FAM217A: variants seen among roughly 807,000 people sequenced by gnomAD.
FAM217A encodes family with sequence similarity 217 member A.
Under a neutral mutation model 18.5 loss-of-function variants are expected in FAM217A, and 13 were observed. The ratio of observed to expected loss-of-function variants is 0.70; its 90% CI spans 0.46 to 1.12. The LOEUF (loss-of-function observed/expected upper bound fraction) is 1.12, where lower values mean the gene tolerates loss of function less well. Among genes scored for constraint, FAM217A ranks in the 50% most tolerant of loss-of-function variants. The probability of loss-of-function intolerance (pLI) is 0.00; values close to 1 mark genes in which losing one functional copy is unlikely to be tolerated. For missense variants in FAM217A, 560 were observed against 575.4 expected (o/e 0.97, Z 0.27); for synonymous variants, 161 against 202.8 (o/e 0.79, Z 1.75).
chr6:4,076,962 G>A (rs1443664024), intron 2 of FAM217A, among the ~76,000 whole-genome samples: 3 of 152,182 alleles, frequency 2.0e-5, no homozygotes, highest in African/African-American at 7.2e-5. Context: ...AACTAAACAT[G>A]AAGTCTGACA....
In FAM217A at chr6:4,069,274, C is replaced by T; in HGVS notation, c.949G>A (p.Val317Ile). The change falls in exon 7 of 7, where the codon GTT (valine) becomes ATT (isoleucine). Residue 317 changes from valine to isoleucine, a missense_variant. Coordinates refer to ENST00000274673, the MANE Select transcript of FAM217A (RefSeq NM_173563.3). ...TTGGAGGAAGAGGGTCGTTCAGTAA[C>T]TGCTGGAGTACAGAAAGTCGTTTGT... ...RLQTTFCTPA[V>I]TERPSSSKAT... 1 of 1,614,054 alleles carries T rather than the reference C, an allele frequency of 6.2e-7. No homozygotes were observed. The highest frequency in any genetic ancestry group is 8.5e-7 in the Non-Finnish European group (1 of 1,179,998).
Position 4,069,038 on chromosome 6 carries a change from CAATT to C in FAM217A, c.1181_1184del (p.Gln394ArgfsTer14), listed in dbSNP as rs776823363. ...TGGGATTCTTATCATAAGTTTCAATCAATTGTTTTGGGGTGGAAGAACTTTTTAG... is the reference window on the plus strand; with the variant it reads ...TGGGATTCTTATCATAAGTTTCAATCGTTTTGGGGTGGAAGAACTTTTTAG... On this transcript the variant is annotated frameshift_variant, in exon 7 of 7. Coordinates refer to ENST00000274673, the MANE Select transcript of FAM217A (RefSeq NM_173563.3). LOFTEE classifies it low-confidence loss of function (END_TRUNC). The C allele has an allele frequency of 5.0e-6, 8 of 1,613,902 alleles. No homozygotes were observed. Among genetic ancestry groups the C allele is most frequent in the African/African-American group, 1.3e-5 (1 of 75,024 alleles).
chr6:4,081,518 G>C (rs1770299092), upstream of FAM217A, among the ~76,000 whole-genome samples: 1 of 152,076 alleles, frequency 6.6e-6, no homozygotes, highest in African/African-American at 2.4e-5. Flanking sequence ...TGCCATGTTG[G>C]CCAGGCTGGT....
chr6:4,076,495 G>T (rs1769805029), intron 2 of FAM217A, among the ~76,000 whole-genome samples: 1 of 152,122 alleles, frequency 6.6e-6, no homozygotes, highest in Non-Finnish European at 1.5e-5. Context: ...GCTTTTTTCA[G>T]CTATATAATC....
chr6:4,069,847 G>A lies in FAM217A; in HGVS notation c.376C>T (p.His126Tyr), dbSNP rs151055241. ...TCAACTGAAGCAATTGTTAATGGGT[G>A]GTTCAGAGTGAAGACCCTTATAGGA... ...NHPIRVFTLN[H>Y]PLTIASVDKQ... Residue 126 changes from histidine (H) to tyrosine (Y), a missense_variant, in exon 7 of 7, where the codon CAC becomes TAC. Physicochemically the swap from His to Tyr is moderately conservative, Grantham distance 83 (BLOSUM62 2). Coordinates refer to ENST00000274673, the MANE Select transcript of FAM217A (RefSeq NM_173563.3). 9.0e-4 allele frequency: 1,454 copies of A among 1,613,608 alleles called. 2 individuals carry two copies. Among genetic ancestry groups the A allele is most frequent in the Non-Finnish European group, 1.2e-3 (1,396 of 1,179,548 alleles).
intron 1 of FAM217A, 37 bp downstream of exon 1, chr6:4,078,815 G>A (rs1770048207): frequency 2.3e-6 from 1 of 443,714 alleles, no homozygotes. Flanking sequence ...GCAGGAGGGG[G>A]CTGCGGGATT....
upstream of FAM217A, chr6:4,079,623 A>G: frequency 8.2e-7 from 1 of 1,218,672 alleles, no homozygotes. Flanking sequence ...GGCCCGGCCC[A>G]CCCGCCTCCA....
chr6:4,082,712 C>T (rs1184755830), upstream of FAM217A, among the ~76,000 whole-genome samples: 2 of 152,204 alleles, frequency 1.3e-5, no homozygotes, highest in Non-Finnish European at 2.9e-5. Context: ...TTTGTCCTAT[C>T]GTATTTCTAC....
upstream of FAM217A, chr6:4,079,609 C>T (rs1770127121): frequency 3.1e-6 from 4 of 1,288,222 alleles, no homozygotes; most frequent in Non-Finnish European, 4.0e-6. Flanking sequence ...CCTCTGGGAC[C>T]CGGGGCCCGG....
At chr6:4,076,771 G>A (rs560624733) in intron 2 of FAM217A, among the ~76,000 whole-genome samples, 17 of 152,324 alleles carry the variant, frequency 1.1e-4, no homozygotes, top group South Asian at 4.1e-4. Flanking sequence ...GGGAGGCTGA[G>A]GCAGGAGAAT....
upstream of FAM217A, chr6:4,087,264 C>T: frequency 8.3e-7 from 1 of 1,206,096 alleles, no homozygotes; most frequent in Non-Finnish European, 1.0e-6. Context: ...TGTCCAGACG[C>T]AAGACTGGAG....
chr6:4,070,543 A>C (rs1769333535), intron 6 of FAM217A, among the ~76,000 whole-genome samples: 1 of 152,206 alleles, frequency 6.6e-6, no homozygotes, highest in African/African-American at 2.4e-5. Context: ...ACTACAAAAA[A>C]GCCATAGAAT....
intron 2 of FAM217A, among the ~76,000 whole-genome samples, chr6:4,076,558 CTG>C (rs1769807965): frequency 6.6e-6 from 1 of 152,122 alleles, no homozygotes; most frequent in East Asian, 1.9e-4. Flanking sequence ...GCTGATGAAA[CTG>C]TGTTGTTGCA....
At chr6:4,083,343 A>C (rs567858930), upstream of FAM217A, among the ~76,000 whole-genome samples, 213 of 152,344 alleles carry the variant, frequency 1.4e-3, 1 homozygote, top group Non-Finnish European at 2.8e-3. Flanking sequence ...GTCCTGAATT[A>C]TGCAAAGATA....
chr6:4,073,975 C>T (rs1236467841), intron 4 of FAM217A, among the ~76,000 whole-genome samples: 3 of 152,012 alleles, frequency 2.0e-5, no homozygotes, highest in East Asian at 1.9e-4. Context: ...CTCAGCCTCT[C>T]GAGTAGCTGG....
In FAM217A at chr6:4,068,828, G is replaced by A; in HGVS notation, c.1395C>T (p.Asn465=). 1.2e-6 allele frequency: 2 copies of A among 1,614,128 alleles called. No individual in the cohort carries two copies. The highest frequency in any genetic ancestry group is 1.7e-6 in the Non-Finnish European group (2 of 1,180,004). The change falls in exon 7 of 7, where the codon AAC becomes AAT. Residue 465 remains asparagine, a synonymous_variant. Coordinates refer to ENST00000274673, the MANE Select transcript of FAM217A (RefSeq NM_173563.3). The part of the protein sequence containing the change: ...QKEEIKAPKR[N]FGTKKKLYRQ... The stretch of plus-strand genomic sequence containing the variant: ...GGTAAAGTTTCTTTTTGGTCCCAAA[G>A]TTTCTCTTCGGTGCCTTAATTTCTT...
upstream of FAM217A, among the ~76,000 whole-genome samples, chr6:4,080,605 G>C (rs1274033849): frequency 6.6e-6 from 1 of 152,120 alleles, no homozygotes; most frequent in Non-Finnish European, 1.5e-5. Flanking sequence ...CCATACTGCT[G>C]CTCTAAAATA....
At chr6:4,074,839 C>G (rs1769671403) in intron 2 of FAM217A, among the ~76,000 whole-genome samples, 178 bp from the exon 3 acceptor site, 1 of 152,062 alleles carries the variant, frequency 6.6e-6, no homozygotes, top group Admixed American at 6.6e-5. Flanking sequence ...CTTAACCAAG[C>G]CCTTATCAGT....
In FAM217A at chr6:4,084,742, C is replaced by T; in HGVS notation, c.87G>A (p.Trp29Ter). The change falls in exon 2 of 9, where the codon TGG becomes TGA. Residue 29 changes from tryptophan (W) to a stop codon, truncating the protein, a stop_gained. Coordinates refer to the FAM217A transcript ENST00000639338. LOFTEE classifies it high-confidence loss of function. The stretch of plus-strand genomic sequence containing the variant: ...TACTGAACACCTTGCCTTCTGGAAG[C>T]CAGCTGATCTTGTCACACCCACCAT... 1.4e-6 allele frequency: 1 copy of T among 702,998 alleles called. No individual in the cohort carries two copies. Among genetic ancestry groups the T allele is most frequent in the South Asian group, 1.5e-5 (1 of 67,604 alleles). 43.5% of individuals were successfully genotyped at this position (702,998 alleles called of 1,614,324 possible).
Sources: allele counts gnomAD v4.1 joint callset (sites outside exome capture counted in the v4.1 genomes callset), GRCh38; gene constraint gnomAD v4.1.1; transcripts MANE v1.5; gene names NCBI Gene and HGNC (gene_info 2026-07-23, HGNC 2026-07-21).